AKAP6: variants seen among roughly 807,000 people sequenced by gnomAD.
The protein encoded by AKAP6 is A-kinase anchoring protein 6.
In AKAP6, 58 loss-of-function variants were observed where a neutral mutation model predicts 188.5. The ratio of observed to expected loss-of-function variants is 0.31; its 90% CI spans 0.25 to 0.38. The LOEUF (loss-of-function observed/expected upper bound fraction) is 0.38, where lower values mean the gene tolerates loss of function less well. Among genes scored for constraint, AKAP6 ranks in the 10% least tolerant of loss-of-function variants. The pLI is 1.00. For synonymous variants in AKAP6, 989 were observed against 998.6 expected (o/e 0.99, Z 0.18); for missense variants, 2,710 against 2,740.0 (o/e 0.99, Z 0.24).
chr14:32,493,010 A>G (rs1366459058), intron 2 of AKAP6, among the ~76,000 whole-genome samples: 2 of 152,164 alleles, frequency 1.3e-5, no homozygotes, highest in African/African-American at 2.4e-5. Flanking sequence ...ATTATCACAA[A>G]TGGAAGAACC....
chr14:32,535,619 C>G lies in AKAP6; in HGVS notation c.390C>G (p.Ser130=). ...ATGCCCTCCTTGAAACAGAGTTCTC[C>G]CTAAAGCTGCTGTCTTACTCTGTCA... ...QIHALLETEF[S]LKLLSYSVNV... is the part of the protein sequence containing the mutation. Residue 130 remains serine (S), a synonymous_variant, in exon 3 of 14, where the codon TCC becomes TCG. Coordinates refer to ENST00000280979, the MANE Select transcript of AKAP6 (RefSeq NM_004274.5). The G allele has an allele frequency of 1.2e-6, 2 of 1,614,188 alleles. No homozygotes were observed. Among genetic ancestry groups the G allele is most frequent in the Non-Finnish European group, 1.7e-6 (2 of 1,180,008 alleles).
At chr14:32,700,205 A>G (rs190927408) in intron 9 of AKAP6, among the ~76,000 whole-genome samples, 478 of 152,284 alleles carry the variant, frequency 3.1e-3, no homozygotes, top group Non-Finnish European at 5.5e-3. Context: ...ACATTGTAGT[A>G]TGGTGAGGGT....
At chr14:32,606,866 G>A (rs1288562005) in intron 7 of AKAP6, among the ~76,000 whole-genome samples, 1 of 152,148 alleles carries the variant, frequency 6.6e-6, no homozygotes, top group Non-Finnish European at 1.5e-5. Flanking sequence ...TGTTTGCTCA[G>A]CCCTATGAAT....
chr14:32,355,808 T>C (rs999570166), intron 1 of AKAP6, among the ~76,000 whole-genome samples: 1 of 152,048 alleles, frequency 6.6e-6, no homozygotes, highest in Admixed American at 6.6e-5. Context: ...AAGTTCTTGC[T>C]CTGTCACCTA....
intron 12 of AKAP6, among the ~76,000 whole-genome samples, chr14:32,794,266 G>A (rs1037560148): frequency 3.3e-5 from 5 of 152,052 alleles, no homozygotes; most frequent in Non-Finnish European, 7.4e-5. Context: ...CAGAAATCAA[G>A]AAGTTATTTG....
At chr14:32,745,022 CT>C (rs1229173715) in intron 11 of AKAP6, among the ~76,000 whole-genome samples, 1 of 152,026 alleles carries the variant, frequency 6.6e-6, no homozygotes, top group Non-Finnish European at 1.5e-5. Context: ...ATCTTGAATT[CT>C]TTGAGTTTTT....
chr14:32,718,371 CT>C, intron 9 of AKAP6: 2 of 978,146 alleles, frequency 2.0e-6, no homozygotes, highest in Non-Finnish European at 2.4e-6. Context: ...AAATATTTTT[CT>C]GACAAATATG....
intron 9 of AKAP6, among the ~76,000 whole-genome samples, chr14:32,704,621 A>C (rs145642900): frequency 1.5e-4 from 23 of 152,260 alleles, no homozygotes; most frequent in African/African-American, 5.5e-4. Flanking sequence ...GCTGGCAAAA[A>C]ATTATATGAT....
chr14:32,791,814 G>A (rs1436777405), intron 12 of AKAP6, among the ~76,000 whole-genome samples: 3 of 152,054 alleles, frequency 2.0e-5, no homozygotes, highest in Non-Finnish European at 4.4e-5. Flanking sequence ...GTAAGGAAGG[G>A]GTCCAGTTTC....
At chr14:32,517,944 C>G (rs1042658409) in intron 2 of AKAP6, among the ~76,000 whole-genome samples, 1 of 152,194 alleles carries the variant, frequency 6.6e-6, no homozygotes, top group Non-Finnish European at 1.5e-5. Context: ...AGACACGTCC[C>G]AGAAGGGGCC....
rs2138800080 is a variant in AKAP6, at chr14:32,455,646, T to C, written c.324+21829T>C. Among the ~76,000 whole-genome samples the C allele has an allele frequency of 2.0e-5, 3 of 152,298 alleles. 1 individual carries two copies. In the Middle Eastern group the frequency reaches 0.01, roughly 518 times the overall value. On this transcript the variant is annotated intron_variant, in intron 2 of 13. Transcript: ENST00000280979. ...AAATTAATTTGAAAATAAATTTGCT[T>C]GCCCTCTCCTCTTTTGAAGCAAAAT...
intron 9 of AKAP6, among the ~76,000 whole-genome samples, chr14:32,711,776 C>T (rs1891060628): frequency 6.6e-6 from 1 of 151,836 alleles, no homozygotes. Flanking sequence ...CACTAAAGAC[C>T]AGTGTTAGCA....
At chr14:32,338,542 G>C (rs942558509) in intron 1 of AKAP6, among the ~76,000 whole-genome samples, 1 of 152,124 alleles carries the variant, frequency 6.6e-6, no homozygotes, top group Non-Finnish European at 1.5e-5. Context: ...TAGGGAAGGT[G>C]AGCAGGGAAT....
chr14:32,521,189 A>G (rs907130093), intron 2 of AKAP6, among the ~76,000 whole-genome samples: 5 of 152,162 alleles, frequency 3.3e-5, no homozygotes, highest in Non-Finnish European at 5.9e-5. Context: ...ATGTATCTCA[A>G]AATAATAAGA....
intron 1 of AKAP6, among the ~76,000 whole-genome samples, chr14:32,409,690 A>G (rs1355335658): frequency 6.6e-6 from 1 of 152,220 alleles, no homozygotes; most frequent in Non-Finnish European, 1.5e-5. Flanking sequence ...CTAATAACAA[A>G]GATTTTCTTC....
In AKAP6 at chr14:32,823,484, G is replaced by A. The variant is rs897841587; in HGVS notation, c.5671G>A (p.Val1891Met). Residue 1891 changes from valine (V) to methionine (M), a missense_variant, in exon 13 of 14, where the codon GTG (valine) becomes ATG (methionine). Val to Met is a conservative substitution (Grantham distance 21). Coordinates refer to ENST00000280979, the MANE Select transcript of AKAP6 (RefSeq NM_004274.5). ...TIFKVNKDPY[V>M]ADMENGNIEG... ...TTTCAAAGTTAATAAAGATCCATAT[G>A]TGGCTGACATGGAAAATGGCAATAT... The A allele has an allele frequency of 6.2e-7, 1 of 1,613,758 alleles. No individual in the cohort carries two copies. Among genetic ancestry groups the A allele is most frequent in the Non-Finnish European group, 8.5e-7 (1 of 1,179,878 alleles).
chr14:32,625,806 G>A (rs1886997242), intron 7 of AKAP6, among the ~76,000 whole-genome samples: 1 of 152,084 alleles, frequency 6.6e-6, no homozygotes, highest in African/African-American at 2.4e-5. Context: ...GGCGTTTGTT[G>A]GAAAGATATG....
chr14:32,371,480 A>C (rs1022604501), intron 1 of AKAP6, among the ~76,000 whole-genome samples: 1 of 152,168 alleles, frequency 6.6e-6, no homozygotes, highest in Admixed American at 6.5e-5. Context: ...GGGGGTGCTC[A>C]TCCGTAGTCC....
chr14:32,555,581 T>A (rs1433849581), intron 4 of AKAP6, among the ~76,000 whole-genome samples: 4 of 152,194 alleles, frequency 2.6e-5, no homozygotes, highest in Admixed American at 1.3e-4. Flanking sequence ...TCTATACCCA[T>A]TAAATAACAA....
Sources: allele counts gnomAD v4.1 joint callset (sites outside exome capture counted in the v4.1 genomes callset), GRCh38; gene constraint gnomAD v4.1.1; transcripts MANE v1.5; gene names NCBI Gene and HGNC (gene_info 2026-07-23, HGNC 2026-07-21).